Variants in KIF26B observed in about 807,000 individuals in gnomAD.
The protein encoded by KIF26B is kinesin-like protein KIF26B.
KIF26B carries 63 observed loss-of-function variants against 151.2 expected under a neutral mutation model. That is an observed-to-expected ratio of 0.42 (90% CI 0.34 to 0.51). The LOEUF (loss-of-function observed/expected upper bound fraction) is 0.51. Among genes scored for constraint, KIF26B ranks in the 20% least tolerant of loss-of-function variants. KIF26B has a pLI of 0.07. For synonymous variants in KIF26B, 1,357 were observed against 1,262.1 expected (o/e 1.08, Z -1.59); for missense variants, 2,813 against 2,913.6 (o/e 0.97, Z 0.79).
intron 4 of KIF26B, among the ~76,000 whole-genome samples, chr1:245,472,692 T>C (rs1257286038): frequency 6.6e-6 from 1 of 152,250 alleles, no homozygotes; most frequent in East Asian, 1.9e-4. Flanking sequence ...GCCGTCTTTC[T>C]CTGGCTCACT....
chr1:245,486,843 C>T (rs1186486709), intron 4 of KIF26B, among the ~76,000 whole-genome samples: 1 of 152,158 alleles, frequency 6.6e-6, no homozygotes, highest in Non-Finnish European at 1.5e-5. Context: ...GCTAACGTTT[C>T]CACTTTTTGC....
chr1:245,584,106 C>T (rs996375629), intron 5 of KIF26B, among the ~76,000 whole-genome samples: 5 of 152,168 alleles, frequency 3.3e-5, no homozygotes, highest in African/African-American at 4.8e-5. Flanking sequence ...ATGGATCCCT[C>T]GTGACTCGGT....
chr1:245,659,339 G>C (rs1558255726), intron 10 of KIF26B, among the ~76,000 whole-genome samples: 1 of 152,188 alleles, frequency 6.6e-6, no homozygotes, highest in East Asian at 1.9e-4. Flanking sequence ...TTTAGTGACA[G>C]ATATGAGTCT....
chr1:245,258,274 C>G (rs534507626), intron 2 of KIF26B, among the ~76,000 whole-genome samples: 1 of 152,334 alleles, frequency 6.6e-6, no homozygotes, highest in Non-Finnish European at 1.5e-5. Context: ...GAGCTGCTGT[C>G]CATCCCACTG....
At chr1:245,387,225 C>T (rs1451970678) in intron 3 of KIF26B, among the ~76,000 whole-genome samples, 2 of 147,608 alleles carry the variant, frequency 1.4e-5, no homozygotes, top group African/African-American at 5.1e-5. Flanking sequence ...AGTGCAGTGG[C>T]GTGATCTCTG....
In KIF26B at chr1:245,502,529, C is replaced by CA. The variant is rs10596275; in HGVS notation, c.1167-38217dup. 2.3e-4 allele frequency among the ~76,000 whole-genome samples: 22 copies of CA among 96,670 alleles called. 1 individual carries two copies. The highest frequency in any genetic ancestry group is 1.1e-3 in the East Asian group (4 of 3,534). The allele number at this position is 96,670 out of a possible 152,430, so 63.4% of individuals were successfully genotyped here. ...CAACAGAGCGAGCAAGATTCTGTCT[C>CA]AAAAAAAAAAAAAAAAAAAAAGAAG... On this transcript the variant is annotated intron_variant, in intron 4 of 14. Transcript: ENST00000407071.
At chr1:245,224,677 C>T (rs1003608697) in intron 2 of KIF26B, among the ~76,000 whole-genome samples, 1 of 152,212 alleles carries the variant, frequency 6.6e-6, no homozygotes, top group African/African-American at 2.4e-5. Flanking sequence ...GATTTAAAAA[C>T]ATAATGACAT....
chr1:245,174,629 C>G (rs1668772490), intron 2 of KIF26B, among the ~76,000 whole-genome samples: 1 of 152,202 alleles, frequency 6.6e-6, no homozygotes, highest in South Asian at 2.1e-4. Context: ...GCCACAGCCT[C>G]CCAAGTAGCT....
chr1:245,202,974 G>C (rs1044026526), intron 2 of KIF26B, among the ~76,000 whole-genome samples: 119 of 146,788 alleles, frequency 8.1e-4, no homozygotes, highest in African/African-American at 2.8e-3. Context: ...AACAAAAAAG[G>C]CCGGGCGCGG....
chr1:245,618,356 CCCTATTAGACTATAGGTTCCTTG>C, intron 9 of KIF26B, among the ~76,000 whole-genome samples: 1 of 151,660 alleles, frequency 6.6e-6, no homozygotes, highest in East Asian at 1.9e-4. Flanking sequence ...CTTGTCCAAG[CCCTATTAGACTATAGGTTCCTTG>C]AGACAGAGTG....
At chr1:245,162,208 G>T (rs144859164) in intron 2 of KIF26B, among the ~76,000 whole-genome samples, 1 of 152,096 alleles carries the variant, frequency 6.6e-6, no homozygotes, top group Non-Finnish European at 1.5e-5. Context: ...CATTTTGCAG[G>T]AATACAAGAC....
At chr1:245,371,440 A>G (rs1673120679) in intron 3 of KIF26B, 1 of 152,204 alleles carries the variant, frequency 6.6e-6, no homozygotes, top group South Asian at 2.1e-4. Context: ...CCTCTGGATC[A>G]GTGCCAGAGC....
Position 245,328,243 on chromosome 1 carries a change from T to C in KIF26B, c.466-38591T>C, listed in dbSNP as rs540680940. ...TGTCATTATGGGGGAGTCACTTATT[T>C]TGCAGGGGGGAGGGGGGTCCCAGGC... On this transcript the variant is annotated intron_variant, in intron 2 of 14. Coordinates refer to ENST00000407071, the MANE Select transcript of KIF26B (RefSeq NM_018012.4). Among the ~76,000 whole-genome samples the C allele has an allele frequency of 1.1e-3, 155 of 143,802 alleles. 1 individual carries two copies. The highest frequency in any genetic ancestry group is 3.9e-3 in the African/African-American group (151 of 38,812). 94.3% of individuals were successfully genotyped at this position (143,802 alleles called of 152,430 possible).
intron 5 of KIF26B, among the ~76,000 whole-genome samples, chr1:245,547,087 G>C (rs1661760471): frequency 6.6e-6 from 1 of 152,230 alleles, no homozygotes; most frequent in Non-Finnish European, 1.5e-5. Context: ...CAGGCGCCCG[G>C]AGCTCAGGAA....
chr1:245,471,828 G>A (rs552317430), intron 4 of KIF26B, among the ~76,000 whole-genome samples: 93 of 147,912 alleles, frequency 6.3e-4, no homozygotes, highest in African/African-American at 2.3e-3. Flanking sequence ...TTTTGCTCTT[G>A]TCTCCCAGGC....
intron 10 of KIF26B, among the ~76,000 whole-genome samples, chr1:245,665,230 G>C (rs1053352088): frequency 4.6e-5 from 7 of 152,182 alleles, no homozygotes; most frequent in Non-Finnish European, 8.8e-5. Flanking sequence ...AGGCTTCAGA[G>C]GCTGAGCTTT....
Position 245,375,480 on chromosome 1 carries a change from G to A in KIF26B, c.999+8113G>A, listed in dbSNP as rs1673252814. On this transcript the variant is annotated intron_variant, in intron 3 of 14. Coordinates refer to ENST00000407071, the MANE Select transcript of KIF26B (RefSeq NM_018012.4). The surrounding 1 kb of genome is among the most constrained non-coding windows in gnomAD (Gnocchi z 4.2). The stretch of plus-strand genomic sequence containing the variant: ...ACCAGAGAGAGGAGGTGGAAGGACA[G>A]AAGCAGAGGTCAGAGAGGAGAGAGA... 6.6e-6 allele frequency among the ~76,000 whole-genome samples: 1 copy of A among 152,158 alleles called. No individual in the cohort carries two copies. Among genetic ancestry groups the A allele is most frequent in the Non-Finnish European group, 1.5e-5 (1 of 68,028 alleles).
chr1:245,525,751 G>A (rs923540075), intron 4 of KIF26B, among the ~76,000 whole-genome samples: 1 of 152,060 alleles, frequency 6.6e-6, no homozygotes, highest in South Asian at 2.1e-4. Flanking sequence ...TCCTAGAAGC[G>A]CCATCAAAAC....
chr1:245,292,261 GT>G (rs921096167), intron 2 of KIF26B, among the ~76,000 whole-genome samples: 1 of 152,192 alleles, frequency 6.6e-6, no homozygotes, highest in African/African-American at 2.4e-5. Context: ...TCTGAGCTCT[GT>G]TCCAGACTGT....
Sources: allele counts gnomAD v4.1 joint callset (sites outside exome capture counted in the v4.1 genomes callset), GRCh38; gene constraint gnomAD v4.1.1; non-coding constraint Gnocchi (gnomAD v3.1); transcripts MANE v1.5; gene names NCBI Gene and HGNC (gene_info 2026-07-23, HGNC 2026-07-21).